Variants in PCDH15 observed in about 807,000 individuals in gnomAD.
PCDH15 encodes the protein protocadherin related 15, also known as protocadherin-15.
Under a neutral mutation model 178.5 loss-of-function variants are expected in PCDH15, and 129 were observed. The observed-to-expected ratio is 0.72, with a 90% CI of 0.63 to 0.84. PCDH15 has a LOEUF of 0.84. PCDH15 is among the 40% of genes least tolerant of loss of function. The pLI, the probability that PCDH15 is intolerant of heterozygous loss-of-function variation, is 0.00. For synonymous variants in PCDH15, 800 were observed against 732.0 expected, an observed-to-expected ratio of 1.09 and a Z score of -1.50; for missense variants, 2,230 against 2,099.9, an observed-to-expected ratio of 1.06 and a Z score of -1.21.
At chr10:55,237,553 G>A (rs1419768589) in intron 1 of PCDH15, among the ~76,000 whole-genome samples, 1 of 151,994 alleles carries the variant, frequency 6.6e-6, no homozygotes, top group African/African-American at 2.4e-5. Context: ...CATTATTTGT[G>A]TTCATTACAA....
chr10:54,658,200 A>C (rs934987795), intron 2 of PCDH15, among the ~76,000 whole-genome samples: 3 of 152,124 alleles, frequency 2.0e-5, no homozygotes, highest in Admixed American at 6.5e-5. Flanking sequence ...AGAAAGAAAC[A>C]TGAAAAATAT....
chr10:55,572,730 T>C (rs1842429615), intron 2 of PCDH15, among the ~76,000 whole-genome samples: 1 of 152,078 alleles, frequency 6.6e-6, no homozygotes, highest in African/African-American at 2.4e-5. Context: ...AACAGGTCTC[T>C]CTGTGAAGGT....
intron 3 of PCDH15, among the ~76,000 whole-genome samples, chr10:54,508,212 T>C (rs938502095): frequency 6.6e-6 from 1 of 152,084 alleles, no homozygotes; most frequent in Non-Finnish European, 1.5e-5. Context: ...TTTTACTGTA[T>C]TTTACACATC....
At chr10:54,447,495 A>T (rs2076217283) in intron 3 of PCDH15, among the ~76,000 whole-genome samples, 1 of 151,510 alleles carries the variant, frequency 6.6e-6, no homozygotes, top group African/African-American at 2.4e-5. Context: ...GTTTGTTTTT[A>T]AGTGCCTGGC....
At chr10:54,367,587 A>G (rs1379070873) in intron 5 of PCDH15, among the ~76,000 whole-genome samples, 1 of 152,002 alleles carries the variant, frequency 6.6e-6, no homozygotes, top group Non-Finnish European at 1.5e-5. Flanking sequence ...GTCCTCACTC[A>G]TAAGTGGGAG....
chr10:55,585,537 C>T (rs974418416), intron 2 of PCDH15, among the ~76,000 whole-genome samples: 2 of 151,990 alleles, frequency 1.3e-5, no homozygotes, highest in Non-Finnish European at 2.9e-5. Flanking sequence ...ATTAGTGGGG[C>T]ATGGTGGCGG....
chr10:54,191,177 T>G (rs1435801103), intron 11 of PCDH15, among the ~76,000 whole-genome samples: 1 of 152,174 alleles, frequency 6.6e-6, no homozygotes. Flanking sequence ...GTGTTAGTTC[T>G]TCAGCATACA....
chr10:55,131,713 T>TAGCTCCTCC (rs1838050454), intron 2 of PCDH15, among the ~76,000 whole-genome samples: 1 of 10,706 alleles, frequency 9.3e-5, no homozygotes. Flanking sequence ...CAGGAGTGGG[T>TAGCTCCTCC]AGCTCCTCTC....
chr10:55,317,139 G>A (rs1004756038), intron 1 of PCDH15, among the ~76,000 whole-genome samples: 5 of 152,136 alleles, frequency 3.3e-5, no homozygotes, highest in African/African-American at 1.2e-4. Context: ...GGGCATAAGA[G>A]AAGAAACTGA....
chr10:54,444,393 G>A lies in PCDH15; in HGVS notation c.158-65451C>T, dbSNP rs182936457. Among the ~76,000 whole-genome samples the A allele has an allele frequency of 6.1e-4, 93 of 151,784 alleles. 1 individual carries two copies. The highest frequency in any genetic ancestry group is 2.0e-3 in the African/African-American group (81 of 41,484). On this transcript the variant is annotated intron_variant, in intron 3 of 37. Coordinates refer to ENST00000644397, the MANE Select transcript of PCDH15 (RefSeq NM_001384140.1). The stretch of plus-strand genomic sequence containing the variant: ...TTGTTCTCTTTGTAGACACACTCAC[G>A]GATGATTCATACTCCCTGACCTGGA...
chr10:54,477,362 T>G (rs571741366), intron 3 of PCDH15, among the ~76,000 whole-genome samples: 1 of 152,282 alleles, frequency 6.6e-6, no homozygotes, highest in East Asian at 1.9e-4. Flanking sequence ...GATCCTTTAT[T>G]TCTTGGTTGG....
At chr10:55,517,841 T>A (rs150127919) in intron 2 of PCDH15, among the ~76,000 whole-genome samples, 246 of 152,234 alleles carry the variant, frequency 1.6e-3, no homozygotes, top group Non-Finnish European at 2.6e-3. Flanking sequence ...CTGACAAACA[T>A]TATCTTTTTG....
chr10:53,945,837 GTATATATATATATATATATATA>G lies in PCDH15; in HGVS notation c.3123-4884_3123-4863del, dbSNP rs56389905. Among the ~76,000 whole-genome samples the G allele has an allele frequency of 3.5e-3, 421 of 119,454 alleles. 3 individuals are homozygous for G. Among genetic ancestry groups the G allele is most frequent in the African/African-American group, 9.4e-3 (295 of 31,430 alleles). The allele number at this position is 119,454 out of a possible 152,430, so 78.4% of individuals were successfully genotyped here. ...TTTTAAGGCTGAGTAATATTTCATT[GTATATATATATATATATATATA>G]TATATATATATATATATATATATCA... On this transcript the variant is annotated intron_variant, in intron 23 of 37. Transcript: ENST00000644397.
chr10:54,245,693 T>A (rs965868820), intron 8 of PCDH15, among the ~76,000 whole-genome samples: 3 of 151,968 alleles, frequency 2.0e-5, no homozygotes, highest in African/African-American at 7.2e-5. Context: ...CATGAGGAGA[T>A]GTGGGCTTTT....
chr10:54,962,387 A>G (rs1838678804), intron 2 of PCDH15, among the ~76,000 whole-genome samples: 1 of 152,128 alleles, frequency 6.6e-6, no homozygotes, highest in African/African-American at 2.4e-5. Flanking sequence ...GAGCTGTAAC[A>G]TAAATGGGCT....
chr10:54,260,766 A>G (rs1591470993), intron 8 of PCDH15, among the ~76,000 whole-genome samples: 1 of 152,004 alleles, frequency 6.6e-6, no homozygotes, highest in African/African-American at 2.4e-5. Flanking sequence ...TACGACTACT[A>G]CTACTACAGG....
intron 7 of PCDH15, among the ~76,000 whole-genome samples, chr10:54,328,287 A>C (rs773913150): frequency 7.2e-5 from 11 of 151,860 alleles, no homozygotes; most frequent in Non-Finnish European, 1.3e-4. Context: ...TGCATTCAAG[A>C]TTTCTCCATA....
chr10:54,046,804 A>AT (rs900440947), intron 18 of PCDH15, among the ~76,000 whole-genome samples: 2 of 151,960 alleles, frequency 1.3e-5, no homozygotes, highest in East Asian at 1.9e-4. Flanking sequence ...TGTGTATTAC[A>AT]TTTTTTTTCT....
At chr10:54,752,525 CA>C (rs1566128633) in intron 1 of PCDH15, among the ~76,000 whole-genome samples, 5 of 64,502 alleles carry the variant, frequency 7.8e-5, no homozygotes, top group African/African-American at 2.3e-4. Flanking sequence ...AACAAACAAA[CA>C]AACAAAAAAA....
Sources: allele counts gnomAD v4.1 joint callset (sites outside exome capture counted in the v4.1 genomes callset), GRCh38; gene constraint gnomAD v4.1.1; transcripts MANE v1.5; gene names NCBI Gene and HGNC (gene_info 2026-07-23, HGNC 2026-07-21).